KIF5B: variants seen among roughly 807,000 people sequenced by gnomAD.
KIF5B encodes the protein kinesin-1 heavy chain.
A neutral mutation model predicts 132.8 loss-of-function variants in KIF5B; 49 were observed. That is an observed-to-expected ratio of 0.37 (90% CI 0.29 to 0.47). The LOEUF is 0.47. Ranked by LOEUF, KIF5B falls within the 20% of genes least tolerant of loss-of-function variation. KIF5B has a pLI of 1.00. For synonymous variants in KIF5B, 355 were observed against 369.4 expected (o/e 0.96, Z 0.45); for missense variants, 780 against 1,144.0 (o/e 0.68, Z 4.59).
chr10:32,038,695 T>G, intron 5 of KIF5B, 83 bp downstream of exon 5: 1 of 853,500 alleles, frequency 1.2e-6, no homozygotes, highest in East Asian at 2.6e-5. Flanking sequence ...TTCATATAGG[T>G]TACAAAGAAA....
intron 20 of KIF5B, 23 bp from the exon 21 acceptor site, chr10:32,018,585 A>T: frequency 2.0e-6 from 3 of 1,505,772 alleles, no homozygotes; most frequent in Admixed American, 4.2e-5. Context: ...GAACAAACAT[A>T]TATTTTCAAA....
chr10:32,035,417 G>C, intron 10 of KIF5B, 105 bp downstream of exon 10: 1 of 951,852 alleles, frequency 1.1e-6, no homozygotes, highest in Non-Finnish European at 1.6e-6. Flanking sequence ...AGTGTGTCTA[G>C]CACAAAACAG....
intron 25 of KIF5B, among the ~76,000 whole-genome samples, chr10:32,012,660 A>T (rs1841099999): frequency 6.6e-6 from 1 of 152,216 alleles, no homozygotes; most frequent in Non-Finnish European, 1.5e-5. Flanking sequence ...CTTATGTGCT[A>T]ACCTGGTGTC....
At chr10:32,032,336 T>G (rs921883781) in intron 13 of KIF5B, among the ~76,000 whole-genome samples, 1 of 152,054 alleles carries the variant, frequency 6.6e-6, no homozygotes, top group East Asian at 1.9e-4. Flanking sequence ...TGATGGAGAG[T>G]ATCTCTTTCT....
chr10:32,034,645 A>G, intron 11 of KIF5B, 45 bp downstream of exon 11: 1 of 1,435,794 alleles, frequency 7.0e-7, no homozygotes. Flanking sequence ...TATGCTCTAA[A>G]TCTGTATTTA....
chr10:32,030,146 A>C (rs1841383673), intron 14 of KIF5B, among the ~76,000 whole-genome samples: 1 of 152,232 alleles, frequency 6.6e-6, no homozygotes. Flanking sequence ...TGAAACATTC[A>C]TAGCTATGTA....
At chr10:32,014,022 C>T (rs957380091) in intron 25 of KIF5B, among the ~76,000 whole-genome samples, 3 of 152,108 alleles carry the variant, frequency 2.0e-5, no homozygotes, top group African/African-American at 7.2e-5. Context: ...TTAAAATAAA[C>T]TAGCTTTAGT....
At chr10:32,049,056 T>A (rs1367232660) in intron 1 of KIF5B, among the ~76,000 whole-genome samples, 3 of 152,164 alleles carry the variant, frequency 2.0e-5, no homozygotes, top group Non-Finnish European at 4.4e-5. Context: ...CTTGAACTTC[T>A]GGGCTCAAGA....
intron 1 of KIF5B, among the ~76,000 whole-genome samples, chr10:32,051,422 A>ACC (rs1841693459): frequency 6.6e-6 from 1 of 152,196 alleles, no homozygotes; most frequent in South Asian, 2.1e-4. Flanking sequence ...TGCCAGAAAT[A>ACC]ATGTAAACAG....
At chr10:32,035,427 G>C in intron 10 of KIF5B, 95 bp downstream of exon 10, 2 of 1,038,830 alleles carry the variant, frequency 1.9e-6, no homozygotes, top group South Asian at 3.2e-5. Flanking sequence ...GCACAAAACA[G>C]TATGTACAGG....
rs1254975214 is a variant in KIF5B, at chr10:32,009,938, T to G, written c.*1599A>C. 1 of 151,904 alleles carries G rather than the reference T, an allele frequency of 6.6e-6. No homozygotes were observed. Among genetic ancestry groups the G allele is most frequent in the Non-Finnish European group, 1.5e-5 (1 of 67,952 alleles). The allele number at this position is 151,904 out of a possible 1,614,324, so 9.4% of individuals were successfully genotyped here. ...TACAACAGCAAAGATTTTTGACTAT[T>G]AAAAAAATAAATAAATAAATTTATA... On this transcript the variant is annotated 3_prime_UTR_variant, in exon 26 of 26. Transcript: ENST00000302418.
chr10:32,039,483 AAAAAC>A, intron 3 of KIF5B, 52 bp from the exon 4 acceptor site: 1 of 839,310 alleles, frequency 1.2e-6, no homozygotes. Flanking sequence ...AATATGAAGT[AAAAAC>A]AAAGAGTTTC....
intron 6 of KIF5B, 89 bp from the exon 7 acceptor site, chr10:32,037,696 G>A (rs544368723): frequency 1.0e-4 from 94 of 908,686 alleles, no homozygotes; most frequent in East Asian, 1.0e-3. Flanking sequence ...AGCCGGGCGC[G>A]GTGGCGGGTG....
At chr10:32,013,498 G>T (rs1468999041) in intron 25 of KIF5B, among the ~76,000 whole-genome samples, 1 of 152,124 alleles carries the variant, frequency 6.6e-6, no homozygotes, top group Non-Finnish European at 1.5e-5. Flanking sequence ...TCACTAAAGA[G>T]GGTGCTCATT....
Position 32,034,047 on chromosome 10 carries a change from A to C in KIF5B, c.1112-9T>G. 1.3e-6 allele frequency: 2 copies of C among 1,513,068 alleles called. No individual in the cohort carries two copies. The highest frequency in any genetic ancestry group is 1.8e-6 in the Non-Finnish European group (2 of 1,127,810). The allele number at this position is 1,513,068 out of a possible 1,614,324, so 93.7% of individuals were successfully genotyped here. ...AATAGGCACCGTCTCCCCTAAAATA[A>C]GAAAATAAAGTGGTTAATAAAAAAA... On this transcript the variant is annotated splice_polypyrimidine_tract_variant and intron_variant, in intron 11 of 25. Coordinates refer to ENST00000302418, the MANE Select transcript of KIF5B (RefSeq NM_004521.3).
intron 15 of KIF5B, among the ~76,000 whole-genome samples, chr10:32,026,504 T>A (rs1592443328): frequency 7.6e-6 from 1 of 130,886 alleles, no homozygotes; most frequent in African/African-American, 2.8e-5. Context: ...AGGAAAAGAA[T>A]TACTTGTTAA....
At position 32,054,091 on chromosome 10, in the gene KIF5B, G is replaced by A. The variant is rs933812404; in HGVS notation, c.126+1757C>T. 5.3e-5 allele frequency among the ~76,000 whole-genome samples: 8 copies of A among 152,298 alleles called. No homozygotes were observed. In the East Asian group the frequency reaches 1.5e-3, roughly 29 times the overall value. ...GAATCATAGTGATAACTACAGATCT[G>A]TGTAAACACAAAATCTGAAGAAATA... is the stretch of plus-strand genomic sequence containing the variant. On this transcript the variant is annotated intron_variant, in intron 1 of 25. Transcript: ENST00000302418.
intron 15 of KIF5B, among the ~76,000 whole-genome samples, chr10:32,023,857 A>G (rs1263263804): frequency 6.6e-6 from 1 of 152,114 alleles, no homozygotes; most frequent in African/African-American, 2.4e-5. Flanking sequence ...ATTAACTCCA[A>G]ATGGATCATA....
intron 1 of KIF5B, among the ~76,000 whole-genome samples, chr10:32,051,130 T>C (rs749480261): frequency 6.6e-6 from 1 of 152,198 alleles, no homozygotes; most frequent in Non-Finnish European, 1.5e-5. Context: ...GGATCTAATA[T>C]AAGTGATCAA....
Sources: allele counts gnomAD v4.1 joint callset (sites outside exome capture counted in the v4.1 genomes callset), GRCh38; gene constraint gnomAD v4.1.1; transcripts MANE v1.5; gene names NCBI Gene and HGNC (gene_info 2026-07-23, HGNC 2026-07-21).